Variants in LIPA observed in about 807,000 individuals in gnomAD.
LIPA encodes the protein lipase A, lysosomal acid type.
Under a neutral mutation model 40.6 loss-of-function variants are expected in LIPA, and 26 were observed. The observed-to-expected ratio is 0.64, with a 90% CI of 0.47 to 0.89. The LOEUF (loss-of-function observed/expected upper bound fraction) is 0.89. LIPA is among the 40% of genes least tolerant of loss of function. LIPA has a pLI of 0.00. For synonymous variants in LIPA, 188 were observed against 168.4 expected, an observed-to-expected ratio of 1.12 and a Z score of -0.90; for missense variants, 455 against 479.6, an observed-to-expected ratio of 0.95 and a Z score of 0.48.
chr10:89,222,408 G>A (rs1842710908), intron 8 of LIPA, 103 bp downstream of exon 8: 1 of 799,532 alleles, frequency 1.3e-6, no homozygotes, highest in Non-Finnish European at 2.3e-6. Context: ...AACCAGATCA[G>A]ATTTGTAAGC....
intron 5 of LIPA, among the ~76,000 whole-genome samples, chr10:89,225,804 G>C (rs58810641): frequency 0.017 from 2,599 of 152,168 alleles, 83 homozygotes; most frequent in African/African-American, 0.06. Flanking sequence ...AATCACGGAG[G>C]CGGTTCCCCC....
At chr10:89,348,048 CA>C (rs1447503994) in intron 2 of LIPA, among the ~76,000 whole-genome samples, 15 of 152,172 alleles carry the variant, frequency 9.9e-5, no homozygotes, top group Non-Finnish European at 1.5e-5. Context: ...CTATCAGTTC[CA>C]AACACAGGAG....
At chr10:89,231,137 C>A (rs1305444278) in intron 3 of LIPA, among the ~76,000 whole-genome samples, 1 of 152,114 alleles carries the variant, frequency 6.6e-6, no homozygotes, top group African/African-American at 2.4e-5. Context: ...AAATTATAGA[C>A]TACTCTAAAT....
At chr10:89,221,096 C>G (rs1407001008) in intron 8 of LIPA, among the ~76,000 whole-genome samples, 1 of 151,922 alleles carries the variant, frequency 6.6e-6, no homozygotes, top group Admixed American at 6.6e-5. Context: ...CAGCAGGGAC[C>G]TTTTAGGATG....
chr10:89,392,044 C>T (rs1460741160), intron 2 of LIPA, among the ~76,000 whole-genome samples: 1 of 152,056 alleles, frequency 6.6e-6, no homozygotes, highest in Non-Finnish European at 1.5e-5. Context: ...GCTTTTACCT[C>T]CTGCCTAAGT....
chr10:89,263,714 C>T (rs183192813), intron 1 of LIPA, among the ~76,000 whole-genome samples: 3 of 152,382 alleles, frequency 2.0e-5, no homozygotes, highest in Non-Finnish European at 4.4e-5. Context: ...TTACTCAGGC[C>T]TGCTGGGCTT....
At position 89,223,745 on chromosome 10, in the gene LIPA, T is replaced by C; in HGVS notation, c.761A>G (p.Lys254Arg). The C allele has an allele frequency of 6.2e-7, 1 of 1,613,574 alleles. No homozygotes were observed. Among genetic ancestry groups the C allele is most frequent in the Non-Finnish European group, 8.5e-7 (1 of 1,179,500 alleles). ...GTHVCTHVILKELCGNLCFLL... is the reference protein window; with the variant it reads ...GTHVCTHVILRELCGNLCFLL... The stretch of plus-strand genomic sequence containing the variant: ...AAAACAGAGATTTCCACAGAGCTCC[T>C]TCAGTATGACATGAGTGCAAACGTG... Residue 254 changes from lysine (K) to arginine (R), a missense_variant, in exon 7 of 10, where the codon AAG (lysine) becomes AGG (arginine). Coordinates refer to ENST00000336233, the MANE Select transcript of LIPA (RefSeq NM_000235.4).
At position 89,218,321 on chromosome 10, in the gene LIPA, G is replaced by T. The variant is rs183168265; in HGVS notation, c.895-2312C>A. Among the ~76,000 whole-genome samples, 9 of 152,252 alleles carry T rather than the reference G, an allele frequency of 5.9e-5. No individual in the cohort carries two copies. In the East Asian group the frequency reaches 1.7e-3, roughly 29 times the overall value. ...ATATAAGGACAGATGATTTATGACT[G>T]CAAAACAACTATCACTGCAAAAAAC... On this transcript the variant is annotated intron_variant, in intron 8 of 9. Transcript: ENST00000336233.
rs1843470156 is a variant in LIPA, at chr10:89,305,092, T to TG, written c.-2+37518dup. On this transcript the variant is annotated intron_variant, in intron 1 of 5. Coordinates refer to the LIPA transcript ENST00000282673. ...ATCACCAGTTTAAGAAATAGAGGTA[T>TG]GGGGGGGAGGGGAGGAAAAAAAATT... is the stretch of plus-strand genomic sequence containing the variant. 5.3e-5 allele frequency among the ~76,000 whole-genome samples: 8 copies of TG among 150,824 alleles called. No individual in the cohort carries two copies. The South Asian group carries it at 1.5e-3, about 28-fold the overall frequency.
chr10:89,281,309 G>A (rs1161428841), intron 1 of LIPA, among the ~76,000 whole-genome samples: 1 of 152,108 alleles, frequency 6.6e-6, no homozygotes, highest in Non-Finnish European at 1.5e-5. Flanking sequence ...CCCAGGCCTT[G>A]ATATCTAAGC....
chr10:89,315,470 TG>T (rs1843536587), intron 1 of LIPA, among the ~76,000 whole-genome samples: 1 of 152,186 alleles, frequency 6.6e-6, no homozygotes, highest in Non-Finnish European at 1.5e-5. Flanking sequence ...AGCTACAGGA[TG>T]GAGGAAACGC....
chr10:89,357,821 G>A (rs1332878181), intron 2 of LIPA, among the ~76,000 whole-genome samples: 1 of 152,134 alleles, frequency 6.6e-6, no homozygotes, highest in Non-Finnish European at 1.5e-5. Context: ...TTGTTGTGAT[G>A]ATAACCATTA....
At chr10:89,360,173 A>G (rs1426735983) in intron 2 of LIPA, among the ~76,000 whole-genome samples, 1 of 152,192 alleles carries the variant, frequency 6.6e-6, no homozygotes, top group African/African-American at 2.4e-5. Context: ...GTTTTTAAAG[A>G]AATAGGAACC....
Position 89,248,448 on chromosome 10 carries a change from ATTTATT to A in LIPA, c.-1-805_-1-800del, listed in dbSNP as rs1484085139. ...TTATTATTATTATTATTTTATATTTATTTATTTATTTATTTATTTATTTATTTATTT... is the reference window on the plus strand; with the variant it reads ...TTATTATTATTATTATTTTATATTTATATTTATTTATTTATTTATTTATTT... On this transcript the variant is annotated intron_variant, in intron 1 of 9. Transcript: ENST00000336233. Among the ~76,000 whole-genome samples the A allele has an allele frequency of 1.7e-3, 119 of 68,196 alleles. 1 individual carries two copies. The highest frequency in any genetic ancestry group is 3.7e-3 in the African/African-American group (75 of 20,406). 44.7% of individuals were successfully genotyped at this position (68,196 alleles called of 152,430 possible). A position where few individuals can be genotyped will look rare whatever the true frequency, so the allele number is the denominator to read the frequency against.
intron 2 of LIPA, among the ~76,000 whole-genome samples, chr10:89,368,077 T>C (rs1844071801): frequency 6.6e-6 from 1 of 152,178 alleles, no homozygotes. Flanking sequence ...TGCCTTGGCC[T>C]GTCAAAGCTC....
intron 1 of LIPA, among the ~76,000 whole-genome samples, chr10:89,334,250 T>G (rs541879063): frequency 6.6e-6 from 1 of 152,256 alleles, no homozygotes; most frequent in Admixed American, 6.5e-5. Context: ...ACTGTAACTA[T>G]GTTGATTCTG....
chr10:89,352,395 G>C (rs563384817), intron 2 of LIPA, among the ~76,000 whole-genome samples: 1 of 152,124 alleles, frequency 6.6e-6, no homozygotes, highest in Non-Finnish European at 1.5e-5. Context: ...TATGATTCAT[G>C]GAAAGGCACG....
At chr10:89,248,957 C>T (rs1257669421) in intron 1 of LIPA, among the ~76,000 whole-genome samples, 1 of 152,166 alleles carries the variant, frequency 6.6e-6, no homozygotes, top group East Asian at 1.9e-4. Context: ...GAAAGAGACA[C>T]AAAATTTCTG....
intron 2 of LIPA, chr10:89,378,106 C>T (rs756495397): frequency 1.9e-6 from 3 of 1,613,620 alleles, no homozygotes; most frequent in Non-Finnish European, 2.5e-6. Flanking sequence ...AACCAAAGCA[C>T]TACAGATCAC....
Sources: gnomAD v4.1 joint callset for allele counts (sites outside exome capture counted in the v4.1 genomes callset) on GRCh38, gnomAD v4.1.1 for gene constraint, MANE v1.5 for transcripts, NCBI Gene and HGNC (gene_info 2026-07-23, HGNC 2026-07-21) for gene names.